The following LAMA2 variants were observed in gnomAD, a reference collection of about 807,000 sequenced individuals.
LAMA2 encodes laminin subunit alpha 2, also known as laminin subunit alpha-2.
LAMA2 carries 269 observed loss-of-function variants against 364.8 expected under a neutral mutation model. The observed-to-expected ratio is 0.74, with a 90% CI of 0.67 to 0.82. The LOEUF (loss-of-function observed/expected upper bound fraction) is 0.82. LAMA2 is among the 40% of genes least tolerant of loss of function. The pLI, the probability that LAMA2 is intolerant of heterozygous loss-of-function variation, is 0.00. For synonymous variants in LAMA2, 1,379 were observed against 1,370.6 expected (o/e 1.01, Z -0.14); for missense variants, 3,807 against 3,873.2 (o/e 0.98, Z 0.45).
At chr6:129,151,918 A>G (rs1051932031) in intron 7 of LAMA2, among the ~76,000 whole-genome samples, 2 of 152,222 alleles carry the variant, frequency 1.3e-5, no homozygotes, top group African/African-American at 4.8e-5. Flanking sequence ...CCCTAAAGAT[A>G]TAAAACTGCT....
intron 22 of LAMA2, among the ~76,000 whole-genome samples, chr6:129,312,528 A>G (rs1774294287): frequency 6.6e-6 from 1 of 152,218 alleles, no homozygotes; most frequent in South Asian, 2.1e-4. Context: ...AGGTAAAATA[A>G]CTTTGTCTAA....
chr6:128,988,038 G>A (rs1339874158), intron 1 of LAMA2, among the ~76,000 whole-genome samples: 2 of 152,060 alleles, frequency 1.3e-5, no homozygotes, highest in Non-Finnish European at 2.9e-5. Flanking sequence ...CTAATTTTTT[G>A]TATTTTTAGT....
chr6:129,076,505 A>ATAT (rs1554212316), intron 3 of LAMA2, among the ~76,000 whole-genome samples: 5,049 of 132,266 alleles, frequency 0.038, 342 homozygotes, highest in African/African-American at 0.13. Context: ...ATATAAATAT[A>ATAT]TATATATAAT....
chr6:129,497,127 C>T (rs920449264), intron 58 of LAMA2, among the ~76,000 whole-genome samples: 1 of 152,136 alleles, frequency 6.6e-6, no homozygotes, highest in African/African-American at 2.4e-5. Context: ...TTAAGCAATT[C>T]CAAACCCTTT....
intron 1 of LAMA2, among the ~76,000 whole-genome samples, chr6:128,884,102 G>C (rs902586686): frequency 6.6e-6 from 1 of 152,000 alleles, no homozygotes; most frequent in Non-Finnish European, 1.5e-5. Flanking sequence ...TTGGAAGATG[G>C]CTGTATTTAA....
At chr6:128,978,458 C>T (rs1416178573) in intron 1 of LAMA2, among the ~76,000 whole-genome samples, 2 of 151,602 alleles carry the variant, frequency 1.3e-5, no homozygotes, top group African/African-American at 2.4e-5. Flanking sequence ...GCTGGGATTA[C>T]AGGCGCCTGC....
Position 129,267,038 on chromosome 6 carries a change from C to T in LAMA2, c.2209-68C>T, listed in dbSNP as rs1298621169. 26 of 996,942 alleles carry T rather than the reference C, an allele frequency of 2.6e-5. 1 individual carries two copies. In the East Asian group the frequency reaches 5.7e-4, roughly 22 times the overall value. The allele number at this position is 996,942 out of a possible 1,614,324, so 61.8% of individuals were successfully genotyped here. A position where few individuals can be genotyped will look rare whatever the true frequency, so the allele number is the denominator to read the frequency against. ...TTATTTTCTGTTATCAGAAAACAAACACAAACAAACAAAAACACCTTTTTG... is the reference window on the plus strand; with the variant it reads ...TTATTTTCTGTTATCAGAAAACAAATACAAACAAACAAAAACACCTTTTTG... On this transcript the variant is annotated intron_variant, in intron 15 of 64. Coordinates refer to ENST00000421865, the MANE Select transcript of LAMA2 (RefSeq NM_000426.4).
intron 45 of LAMA2, among the ~76,000 whole-genome samples, chr6:129,448,631 G>A (rs1279367972): frequency 6.6e-6 from 1 of 152,114 alleles, no homozygotes; most frequent in African/African-American, 2.4e-5. Flanking sequence ...TTAAATGAAT[G>A]ACCTACTTAC....
At chr6:128,998,051 G>T (rs1487867942) in intron 1 of LAMA2, among the ~76,000 whole-genome samples, 1 of 152,032 alleles carries the variant, frequency 6.6e-6, no homozygotes, top group African/African-American at 2.4e-5. Flanking sequence ...TGCACAGATG[G>T]GGTGGGATAT....
chr6:129,464,526 CATCAGTTATTGGTAAAATT>C (rs1216480000), intron 50 of LAMA2, 74 bp downstream of exon 50: 1 of 1,225,098 alleles, frequency 8.2e-7, no homozygotes, highest in Non-Finnish European at 1.2e-6. Flanking sequence ...TTGGTAAAAT[CATCAGTTATTGGTAAAATT>C]ATCAGTTATT....
chr6:129,007,910 T>G (rs1784534918), intron 1 of LAMA2, among the ~76,000 whole-genome samples: 1 of 152,190 alleles, frequency 6.6e-6, no homozygotes, highest in Admixed American at 6.5e-5. Context: ...TGGCGTTTCA[T>G]GCAACCTGCT....
At chr6:128,910,116 T>C (rs55736413) in intron 1 of LAMA2, among the ~76,000 whole-genome samples, 8,859 of 152,212 alleles carry the variant, frequency 0.058, 294 homozygotes, top group African/African-American at 0.081. Flanking sequence ...TTATGTGTCT[T>C]GGAGTTGCTT....
intron 34 of LAMA2, among the ~76,000 whole-genome samples, chr6:129,375,983 A>G (rs1258264694): frequency 6.6e-6 from 1 of 152,142 alleles, no homozygotes; most frequent in Non-Finnish European, 1.5e-5. Context: ...GTTTCCTTCT[A>G]TGGTGACTCT....
chr6:129,190,692 AGTATGTTC>A (rs1447279067), intron 11 of LAMA2, among the ~76,000 whole-genome samples: 6 of 152,218 alleles, frequency 3.9e-5, no homozygotes, highest in Non-Finnish European at 8.8e-5. Flanking sequence ...TTCCATTACT[AGTATGTTC>A]GTATGCAAGT....
intron 20 of LAMA2, among the ~76,000 whole-genome samples, chr6:129,295,398 A>G (rs1467134066): frequency 1.3e-5 from 2 of 151,884 alleles, no homozygotes; most frequent in Non-Finnish European, 2.9e-5. Context: ...CTGGATAGCC[A>G]CTCTCTCCCA....
chr6:129,516,201 C>A lies in LAMA2; in HGVS notation c.9223C>A (p.Gln3075Lys), dbSNP rs771012835. The change falls in exon 65 of 65, where the codon CAG becomes AAG. Residue 3075 changes from glutamine to lysine, a missense_variant. Physicochemically the swap from Gln to Lys is moderately conservative, Grantham distance 53 (BLOSUM62 1). This residue lies in a region of LAMA2 where 3,333 missense variants were observed against 3,345.7 expected (regional missense o/e 1.00). Coordinates refer to ENST00000421865, the MANE Select transcript of LAMA2 (RefSeq NM_000426.4). ...ATTGCCTTTTTCAGATGACCTCAAG[C>A]AGTTTGGCCTAACAACCAGTATTCC... Reference protein sequence around the residue: ...FVGGFPDDLKQFGLTTSIPFR... With the variant: ...FVGGFPDDLKKFGLTTSIPFR... 1.7e-5 allele frequency: 28 copies of A among 1,613,978 alleles called. No individual in the cohort carries two copies. Among genetic ancestry groups the A allele is most frequent in the Non-Finnish European group, 2.3e-5 (27 of 1,180,012 alleles).
rs962786956 is a variant in LAMA2 at position 129,086,712 on chromosome 6, C to T, written c.397-11461C>T. Among the ~76,000 whole-genome samples the T allele has an allele frequency of 1.3e-5, 2 of 152,176 alleles. 1 individual carries two copies. The highest frequency in any genetic ancestry group is 2.9e-5 in the Non-Finnish European group (2 of 68,022). On this transcript the variant is annotated intron_variant, in intron 3 of 64. Transcript: ENST00000421865. ...TAGTGTATCAGTTTTCTTTTGTTAA[C>T]ACAACATATTACCACAAACTTAATG... is the stretch of plus-strand genomic sequence containing the variant.
chr6:129,217,013 A>G (rs189679318), intron 12 of LAMA2, among the ~76,000 whole-genome samples: 34 of 152,102 alleles, frequency 2.2e-4, no homozygotes, highest in Admixed American at 1.5e-3. Context: ...ACATGACGAA[A>G]CCCTGTCTGT....
intron 58 of LAMA2, among the ~76,000 whole-genome samples, chr6:129,500,995 T>C (rs1382008183): frequency 2.6e-5 from 4 of 152,162 alleles, no homozygotes; most frequent in Non-Finnish European, 5.9e-5. Context: ...TCTTAATCCC[T>C]CAATTTTCAG....
Sources: allele counts gnomAD v4.1 joint callset (sites outside exome capture counted in the v4.1 genomes callset), GRCh38; gene constraint gnomAD v4.1.1; regional missense constraint gnomAD v4.1.1; transcripts MANE v1.5; gene names NCBI Gene and HGNC (gene_info 2026-07-23, HGNC 2026-07-21).